Variants in RNF4 observed in about 807,000 individuals in gnomAD.
The protein encoded by RNF4 is E3 ubiquitin-protein ligase RNF4.
A neutral mutation model predicts 24.3 loss-of-function variants in RNF4; 7 were observed. The observed-to-expected ratio is 0.29, with a 90% CI of 0.16 to 0.54. The LOEUF (loss-of-function observed/expected upper bound fraction) is 0.54. Among genes scored for constraint, RNF4 ranks in the 20% least tolerant of loss-of-function variants. The probability of loss-of-function intolerance (pLI) is 0.95; values close to 1 mark genes in which losing one functional copy is unlikely to be tolerated. For synonymous variants in RNF4, 83 were observed against 84.3 expected, an observed-to-expected ratio of 0.98 and a Z score of 0.09; for missense variants, 209 against 248.5, an observed-to-expected ratio of 0.84 and a Z score of 1.07.
intron 4 of RNF4, among the ~76,000 whole-genome samples, chr4:2,510,436 C>T (rs2108778792): frequency 6.6e-6 from 1 of 152,304 alleles, no homozygotes; most frequent in Non-Finnish European, 1.5e-5. Context: ...GTACTGCAGA[C>T]CCTTTCTAGG....
chr4:2,488,198 C>T (rs1735471146), intron 1 of RNF4, among the ~76,000 whole-genome samples: 1 of 152,196 alleles, frequency 6.6e-6, no homozygotes, highest in Non-Finnish European at 1.5e-5. Context: ...CGTGGTGGCT[C>T]ATGCCTGTAA....
intron 4 of RNF4, 120 bp from the exon 5 acceptor site, chr4:2,511,836 C>A: frequency 2.0e-6 from 2 of 998,676 alleles, no homozygotes; most frequent in Non-Finnish European, 3.1e-6. Flanking sequence ...GGGGCCTCTG[C>A]TGCTCACCAG....
intron 7 of RNF4, 101 bp downstream of exon 7, chr4:2,513,232 C>T: frequency 9.1e-7 from 1 of 1,094,900 alleles, no homozygotes; most frequent in Non-Finnish European, 1.4e-6. Context: ...TTGGACACCC[C>T]TACTCACAGT....
At chr4:2,502,000 G>A (rs1362244052) in intron 4 of RNF4, among the ~76,000 whole-genome samples, 2 of 152,176 alleles carry the variant, frequency 1.3e-5, no homozygotes, top group Admixed American at 6.5e-5. Context: ...TCTCATTAAC[G>A]TGTTTTCTGA....
At chr4:2,488,921 CT>C (rs1735497801) in intron 1 of RNF4, among the ~76,000 whole-genome samples, 1 of 152,094 alleles carries the variant, frequency 6.6e-6, no homozygotes, top group Non-Finnish European at 1.5e-5. Context: ...AGAGATTCTC[CT>C]GCCTCAGCCT....
At chr4:2,495,643 G>GGT (rs1377195428) in intron 2 of RNF4, among the ~76,000 whole-genome samples, 49 of 145,382 alleles carry the variant, frequency 3.4e-4, no homozygotes, top group Admixed American at 2.1e-4. Context: ...TTTTTTTGGG[G>GGT]GGGGGTGAGA....
At chr4:2,472,865 C>A (rs771003989) in intron 1 of RNF4, among the ~76,000 whole-genome samples, 102 of 150,734 alleles carry the variant, frequency 6.8e-4, no homozygotes, top group Non-Finnish European at 1.3e-3. Context: ...ATGGTGAAAC[C>A]CCATCTCTAC....
rs180778520 is a variant in RNF4, at chr4:2,470,694, G to A, written c.-158+1436G>A. Among the ~76,000 whole-genome samples the A allele has an allele frequency of 7.2e-4, 109 of 152,262 alleles. 1 individual carries two copies. Among genetic ancestry groups the A allele is most frequent in the South Asian group, 2.1e-3 (10 of 4,830 alleles). ...TCACTCTCCTCAAGATCAAAGTAGCGTATTTTTGAGGTCTCCTGTATGCCA... is the reference window on the plus strand; with the variant it reads ...TCACTCTCCTCAAGATCAAAGTAGCATATTTTTGAGGTCTCCTGTATGCCA... On this transcript the variant is annotated intron_variant, in intron 1 of 7. Transcript: ENST00000314289.
At chr4:2,489,414 AC>A (rs1255785667) in intron 1 of RNF4, among the ~76,000 whole-genome samples, 5 of 151,914 alleles carry the variant, frequency 3.3e-5, no homozygotes, top group African/African-American at 1.2e-4. Context: ...GATCCCTCTC[AC>A]CTGTGTCTGT....
intron 2 of RNF4, among the ~76,000 whole-genome samples, chr4:2,495,645 G>C: frequency 6.7e-6 from 1 of 148,758 alleles, no homozygotes; most frequent in African/African-American, 2.5e-5. Context: ...TTTTTGGGGG[G>C]GGGTGAGATG....
intron 2 of RNF4, 148 bp downstream of exon 2, chr4:2,490,650 G>T: frequency 4.0e-6 from 3 of 755,932 alleles, no homozygotes; most frequent in Admixed American, 2.7e-5. Context: ...CTTTCTGGTG[G>T]TTACATCAGC....
intron 4 of RNF4, among the ~76,000 whole-genome samples, chr4:2,502,400 C>T (rs2108771502): frequency 6.6e-6 from 1 of 152,204 alleles, no homozygotes; most frequent in Non-Finnish European, 1.5e-5. Context: ...GAAACAGGGT[C>T]TCAGGCTGGG....
rs1736277951 is a variant in RNF4, at chr4:2,511,879, AAAG to A, written c.205-74_205-72del. The A allele has an allele frequency of 2.7e-6, 4 of 1,481,608 alleles. No homozygotes were observed. The South Asian group carries it at 3.6e-5, about 13-fold the overall frequency. 91.8% of individuals were successfully genotyped at this position (1,481,608 alleles called of 1,614,324 possible). The stretch of plus-strand genomic sequence containing the variant: ...CACAGAGGGTGTCACACGTCAGAAA[AAAG>A]AAATGGCTTCGTTTATCACTTATAT... On this transcript the variant is annotated intron_variant, in intron 4 of 7. Coordinates refer to ENST00000314289, the MANE Select transcript of RNF4 (RefSeq NM_002938.5).
chr4:2,495,938 T>C (rs1393967323), intron 2 of RNF4, among the ~76,000 whole-genome samples: 1 of 152,198 alleles, frequency 6.6e-6, no homozygotes, highest in African/African-American at 2.4e-5. Context: ...GCCAGCTCTG[T>C]CTCTTGATTA....
intron 3 of RNF4, among the ~76,000 whole-genome samples, chr4:2,497,615 C>T (rs575822828): frequency 3.1e-3 from 473 of 152,164 alleles, no homozygotes; most frequent in Admixed American, 5.2e-3. Context: ...AACTAGGATA[C>T]CTGCAAACTG....
At chr4:2,491,694 A>C (rs945553950) in intron 2 of RNF4, among the ~76,000 whole-genome samples, 1 of 151,868 alleles carries the variant, frequency 6.6e-6, no homozygotes, top group African/African-American at 2.4e-5. Context: ...TTGGCCTCCC[A>C]AAGTGCTAGG....
intron 4 of RNF4, chr4:2,505,560 C>G (rs3128766): frequency 2.0e-5 from 3 of 147,466 alleles, no homozygotes; most frequent in Non-Finnish European, 4.5e-5. Flanking sequence ...CTCCTGACCT[C>G]GTGATCCGCC....
intron 1 of RNF4, among the ~76,000 whole-genome samples, chr4:2,473,802 C>T (rs1031566365): frequency 6.6e-6 from 1 of 151,738 alleles, no homozygotes. Flanking sequence ...CAGAGCGAGA[C>T]TCTGTCTAGA....
chr4:2,496,506 GC>G lies in RNF4; in HGVS notation c.10-500del, dbSNP rs1296413480. Among the ~76,000 whole-genome samples, 3 of 152,098 alleles carry G rather than the reference GC, an allele frequency of 2.0e-5. No homozygotes were observed. The East Asian group carries it at 5.8e-4, about 29-fold the overall frequency. On this transcript the variant is annotated intron_variant, in intron 2 of 7. Coordinates refer to ENST00000314289, the MANE Select transcript of RNF4 (RefSeq NM_002938.5). ...GATGGAGTCTCACACTGTCACCCGG[GC>G]TAGAGTACAGTGACGCGATCTCGCC...
Sources: allele counts gnomAD v4.1 joint callset (sites outside exome capture counted in the v4.1 genomes callset), GRCh38; gene constraint gnomAD v4.1.1; transcripts MANE v1.5; gene names NCBI Gene and HGNC (gene_info 2026-07-23, HGNC 2026-07-21).